PARD3B: variants seen among roughly 807,000 people sequenced by gnomAD.
PARD3B encodes par-3 family cell polarity regulator beta.
PARD3B carries 103 observed loss-of-function variants against 130.2 expected under a neutral mutation model. The observed-to-expected ratio is 0.79, with a 90% confidence interval of 0.67 to 0.93. The LOEUF (loss-of-function observed/expected upper bound fraction) is 0.93, where lower values mean the gene tolerates loss of function less well. Ranked by LOEUF, PARD3B falls within the 40% of genes least tolerant of loss-of-function variation. The pLI, the probability that PARD3B is intolerant of heterozygous loss-of-function variation, is 0.00. For missense variants in PARD3B, 1,609 were observed against 1,499.2 expected, an observed-to-expected ratio of 1.07 and a Z score of -1.21; for synonymous variants, 583 against 553.2, an observed-to-expected ratio of 1.05 and a Z score of -0.76.
intron 2 of PARD3B, among the ~76,000 whole-genome samples, chr2:204,728,827 A>G (rs1403126198): frequency 6.6e-6 from 1 of 152,196 alleles, no homozygotes; most frequent in Non-Finnish European, 1.5e-5. Context: ...ATTTAAGGCT[A>G]TTAGATAACA....
intron 21 of PARD3B, among the ~76,000 whole-genome samples, chr2:205,553,018 TAAA>T (rs897881679): frequency 2.3e-4 from 14 of 60,496 alleles, no homozygotes; most frequent in Non-Finnish European, 1.8e-4. Context: ...AAGTCGGTTT[TAAA>T]AAAAGAAGAA....
At chr2:204,711,232 C>G (rs919637775) in intron 2 of PARD3B, among the ~76,000 whole-genome samples, 17 of 152,060 alleles carry the variant, frequency 1.1e-4, no homozygotes, top group Non-Finnish European at 1.5e-5. Context: ...TTTGATTTTC[C>G]TCTTCTCCCC....
At chr2:204,729,733 G>A (rs2039402314) in intron 2 of PARD3B, among the ~76,000 whole-genome samples, 1 of 151,864 alleles carries the variant, frequency 6.6e-6, no homozygotes, top group Non-Finnish European at 1.5e-5. Context: ...ATACGCTGTT[G>A]TATTTTTTAT....
At chr2:205,117,037 T>G (rs998809813) in intron 6 of PARD3B, among the ~76,000 whole-genome samples, 1 of 152,250 alleles carries the variant, frequency 6.6e-6, no homozygotes, top group African/African-American at 2.4e-5. Flanking sequence ...AAAGGAAGAC[T>G]TGAATGCTTG....
intron 2 of PARD3B, among the ~76,000 whole-genome samples, chr2:204,761,865 G>A (rs970015711): frequency 6.6e-6 from 1 of 151,908 alleles, no homozygotes. Context: ...CACAAATGTA[G>A]TCCGTGGTAT....
chr2:205,003,364 T>TG (rs1695001968), intron 3 of PARD3B, among the ~76,000 whole-genome samples: 1 of 152,074 alleles, frequency 6.6e-6, no homozygotes, highest in Admixed American at 6.5e-5. Context: ...TGGACTTTTT[T>TG]GGGGGGCATT....
At chr2:204,902,429 G>A (rs951131935) in intron 2 of PARD3B, among the ~76,000 whole-genome samples, 2 of 152,058 alleles carry the variant, frequency 1.3e-5, no homozygotes, top group Non-Finnish European at 2.9e-5. Flanking sequence ...CAGCACTTTG[G>A]GAGGCCGAAG....
At chr2:205,170,428 A>T (rs2035092055) in intron 11 of PARD3B, among the ~76,000 whole-genome samples, 1 of 152,208 alleles carries the variant, frequency 6.6e-6, no homozygotes, top group Non-Finnish European at 1.5e-5. Context: ...GAGGCGGTCC[A>T]CTTAAACGGT....
intron 2 of PARD3B, among the ~76,000 whole-genome samples, chr2:204,824,698 T>G (rs1265670486): frequency 6.6e-6 from 1 of 152,212 alleles, no homozygotes; most frequent in East Asian, 1.9e-4. Context: ...GACATGCCAT[T>G]TCCTAGTCCT....
chr2:204,686,762 A>G (rs1278577292), intron 2 of PARD3B, among the ~76,000 whole-genome samples: 1 of 152,218 alleles, frequency 6.6e-6, no homozygotes, highest in East Asian at 1.9e-4. Flanking sequence ...TCACTGCTAC[A>G]GTAAAAGGCA....
intron 10 of PARD3B, among the ~76,000 whole-genome samples, chr2:205,156,134 T>C (rs1041190275): frequency 5.9e-5 from 9 of 151,678 alleles, no homozygotes; most frequent in Non-Finnish European, 1.2e-4. Context: ...AAATTGGAAA[T>C]CATCATTCTC....
intron 22 of PARD3B, among the ~76,000 whole-genome samples, chr2:205,556,362 G>C (rs2052886418): frequency 6.6e-6 from 1 of 152,184 alleles, no homozygotes; most frequent in South Asian, 2.1e-4. Flanking sequence ...TCGACACAGA[G>C]AGAAAATGCT....
chr2:205,096,816 G>T (rs13395282), intron 4 of PARD3B, among the ~76,000 whole-genome samples: 9,615 of 152,012 alleles, frequency 0.063, 360 homozygotes, highest in Middle Eastern at 0.18. Context: ...TCCAAAAAAG[G>T]TTTTTTTTAT....
At chr2:205,365,651 T>G (rs2044581358) in intron 18 of PARD3B, among the ~76,000 whole-genome samples, 1 of 151,730 alleles carries the variant, frequency 6.6e-6, no homozygotes, top group African/African-American at 2.4e-5. Flanking sequence ...CCATTAAATG[T>G]ATCTTCTTTG....
intron 16 of PARD3B, among the ~76,000 whole-genome samples, chr2:205,279,713 G>A (rs2041115295): frequency 6.6e-6 from 1 of 152,128 alleles, no homozygotes; most frequent in African/African-American, 2.4e-5. Flanking sequence ...GGTTGCTTTT[G>A]ATGGTTCAGC....
In PARD3B at chr2:205,291,603, C is replaced by A. The variant is rs558182889; in HGVS notation, c.2186-8927C>A. Among the ~76,000 whole-genome samples the A allele has an allele frequency of 6.6e-6, 1 of 152,114 alleles. No individual in the cohort carries two copies. The highest frequency in any genetic ancestry group is 2.1e-4 in the South Asian group (1 of 4,824). On this transcript the variant is annotated intron_variant, in intron 16 of 22. Coordinates refer to ENST00000406610, the MANE Select transcript of PARD3B (RefSeq NM_001302769.2). This position sits in a 1 kb window ranked among gnomAD's most constrained non-coding sequence, Gnocchi z 4.6. ...TCTGATTTCTCTAAAATCCAGATAGCGTATTTAATTAATGTAATTGTAGAT... is the reference window on the plus strand; with the variant it reads ...TCTGATTTCTCTAAAATCCAGATAGAGTATTTAATTAATGTAATTGTAGAT...
At position 205,584,433 on chromosome 2, in the gene PARD3B, T is replaced by A. The variant is rs2054117584; in HGVS notation, c.3261-31023T>A. On this transcript the variant is annotated intron_variant, in intron 22 of 22. Coordinates refer to ENST00000406610, the MANE Select transcript of PARD3B (RefSeq NM_001302769.2). The surrounding 1 kb of genome is among the most constrained non-coding windows in gnomAD (Gnocchi z 5.5). ...TAGCTCATGCTTACAATCCCAGCAC[T>A]TTAGGAGGCCGAGGCAGGCCGATCA... Among the ~76,000 whole-genome samples the A allele has an allele frequency of 6.6e-6, 1 of 152,148 alleles. No homozygotes were observed. Among genetic ancestry groups the A allele is most frequent in the African/African-American group, 2.4e-5 (1 of 41,432 alleles).
At chr2:204,796,437 A>G (rs10180010) in intron 2 of PARD3B, among the ~76,000 whole-genome samples, 5,864 of 152,316 alleles carry the variant, frequency 0.038, 160 homozygotes, top group African/African-American at 0.071. Context: ...GACCAGAGAA[A>G]GAAATTTCTT....
chr2:205,194,057 G>C (rs927413910), intron 15 of PARD3B, among the ~76,000 whole-genome samples: 1 of 152,202 alleles, frequency 6.6e-6, no homozygotes, highest in African/African-American at 2.4e-5. Context: ...TGGGCTCTTA[G>C]AGAGAACACC....
Sources: gnomAD v4.1 joint callset for allele counts (sites outside exome capture counted in the v4.1 genomes callset) on GRCh38, gnomAD v4.1.1 for gene constraint, Gnocchi (gnomAD v3.1) non-coding constraint, MANE v1.5 for transcripts, NCBI Gene and HGNC (gene_info 2026-07-23, HGNC 2026-07-21) for gene names.